The following ANO4 variants were observed in gnomAD, a reference collection of about 807,000 sequenced individuals.
ANO4 encodes the protein anoctamin 4, also known as anoctamin-4.
Under a neutral mutation model 141.9 loss-of-function variants are expected in ANO4, and 69 were observed. That is an observed-to-expected ratio of 0.49 (90% confidence interval 0.40 to 0.59). ANO4 has a LOEUF of 0.59. ANO4 is among the 20% of genes least tolerant of loss of function. The pLI, the probability that ANO4 is intolerant of heterozygous loss-of-function variation, is 0.00. For missense variants in ANO4, 894 were observed against 1,162.2 expected, an observed-to-expected ratio of 0.77 and a Z score of 3.36; for synonymous variants, 350 against 394.3, an observed-to-expected ratio of 0.89 and a Z score of 1.33.
At chr12:100,978,696 G>C (rs2044313774) in intron 7 of ANO4, among the ~76,000 whole-genome samples, 1 of 152,198 alleles carries the variant, frequency 6.6e-6, no homozygotes, top group Non-Finnish European at 1.5e-5. Flanking sequence ...CTGAAATATA[G>C]GCAAAAGGGC....
intron 17 of ANO4, among the ~76,000 whole-genome samples, chr12:101,092,071 C>T (rs979852784): frequency 6.6e-6 from 1 of 151,830 alleles, no homozygotes; most frequent in Non-Finnish European, 1.5e-5. Flanking sequence ...CACTAGTGAC[C>T]GAAAAACATC....
chr12:101,101,395 G>A (rs1319486692), intron 22 of ANO4, among the ~76,000 whole-genome samples: 1 of 152,124 alleles, frequency 6.6e-6, no homozygotes, highest in Non-Finnish European at 1.5e-5. Flanking sequence ...TTCCTAGAAT[G>A]TAGACCAGGA....
chr12:101,023,030 A>G (rs1230563248), intron 9 of ANO4, among the ~76,000 whole-genome samples: 1 of 152,168 alleles, frequency 6.6e-6, no homozygotes, highest in African/African-American at 2.4e-5. Flanking sequence ...CTAGTGTATT[A>G]AGAATCTGCA....
At chr12:100,840,968 T>G (rs1171213696) in intron 1 of ANO4, among the ~76,000 whole-genome samples, 1 of 152,144 alleles carries the variant, frequency 6.6e-6, no homozygotes, top group East Asian at 1.9e-4. Context: ...CAGGATCTTT[T>G]AGGCATGCCT....
intron 8 of ANO4, among the ~76,000 whole-genome samples, chr12:101,016,264 G>A (rs1450878310): frequency 2.0e-5 from 3 of 152,120 alleles, no homozygotes; most frequent in Non-Finnish European, 4.4e-5. Context: ...TGAGGACTTA[G>A]GAAGCTTCCA....
At chr12:100,882,911 G>A (rs1362717857) in intron 1 of ANO4, among the ~76,000 whole-genome samples, 1 of 152,068 alleles carries the variant, frequency 6.6e-6, no homozygotes, top group Non-Finnish European at 1.5e-5. Context: ...ATGTTGGCCA[G>A]GCTGGTCTTG....
At chr12:100,860,049 A>C (rs1414228317) in intron 1 of ANO4, among the ~76,000 whole-genome samples, 1 of 152,158 alleles carries the variant, frequency 6.6e-6, no homozygotes, top group African/African-American at 2.4e-5. Context: ...CTAATTTTTC[A>C]GGCACAAAGA....
rs147522419 is a variant in ANO4 at position 101,041,410 on chromosome 12, C to T, written c.1020-924C>T. On this transcript the variant is annotated intron_variant, in intron 11 of 27. Transcript: ENST00000392977. Reference sequence around the variant, plus strand: ...GTATGATAAACAGTGGGGGGAAAAACAAAAGTAAATTCTCTTCCCAGCCTC... The same window carrying T: ...GTATGATAAACAGTGGGGGGAAAAATAAAAGTAAATTCTCTTCCCAGCCTC... Among the ~76,000 whole-genome samples the T allele has an allele frequency of 3.6e-3, 551 of 152,232 alleles. 3 individuals are homozygous for T. The highest frequency in any genetic ancestry group is 5.8e-3 in the Non-Finnish European group (393 of 68,018).
intron 9 of ANO4, among the ~76,000 whole-genome samples, chr12:101,035,060 GT>G (rs141346690): frequency 0.056 from 8,575 of 152,214 alleles, 397 homozygotes; most frequent in African/African-American, 0.12. Context: ...TGCTAAGAAA[GT>G]TAAAGCATAT....
chr12:101,083,969 G>T, intron 16 of ANO4, 151 bp downstream of exon 16: 1 of 756,126 alleles, frequency 1.3e-6, no homozygotes, highest in South Asian at 2.2e-5. Flanking sequence ...GGTCAGGGAT[G>T]GTATTGCTAT....
At chr12:100,848,264 T>A (rs1451726230) in intron 1 of ANO4, among the ~76,000 whole-genome samples, 2 of 152,142 alleles carry the variant, frequency 1.3e-5, no homozygotes. Context: ...CCAACTTTCT[T>A]CTATACTCAG....
At chr12:100,968,513 C>T (rs1331808580) in intron 5 of ANO4, among the ~76,000 whole-genome samples, 2 of 152,008 alleles carry the variant, frequency 1.3e-5, no homozygotes, top group Non-Finnish European at 2.9e-5. Context: ...TACTCTTTCT[C>T]TCATAGGAAG....
intron 17 of ANO4, among the ~76,000 whole-genome samples, chr12:101,091,852 G>A (rs1345990319): frequency 6.6e-6 from 1 of 151,820 alleles, no homozygotes; most frequent in African/African-American, 2.4e-5. Context: ...TTTTTATATA[G>A]TATTTACTTT....
chr12:100,811,666 A>C (rs1027066842), intron 1 of ANO4, among the ~76,000 whole-genome samples: 6 of 152,210 alleles, frequency 3.9e-5, no homozygotes, highest in Non-Finnish European at 1.5e-5. Context: ...TCTCTTGGCC[A>C]TACCTGACCA....
At chr12:100,958,680 C>T (rs1470334938) in intron 5 of ANO4, among the ~76,000 whole-genome samples, 1 of 151,832 alleles carries the variant, frequency 6.6e-6, no homozygotes, top group Non-Finnish European at 1.5e-5. Context: ...AACCTTGTCT[C>T]TACAAAAAAT....
At chr12:100,867,521 G>A (rs1035220596) in intron 1 of ANO4, among the ~76,000 whole-genome samples, 1 of 152,042 alleles carries the variant, frequency 6.6e-6, no homozygotes, top group Admixed American at 6.6e-5. Context: ...GTGGGTTAAA[G>A]AAGGCCTGTA....
At chr12:100,877,793 C>T (rs1434428951) in intron 1 of ANO4, among the ~76,000 whole-genome samples, 1 of 152,010 alleles carries the variant, frequency 6.6e-6, no homozygotes, top group Non-Finnish European at 1.5e-5. Flanking sequence ...TCTGTTATGG[C>T]TCTTATTTTA....
At chr12:101,047,064 A>G (rs1343271247) in intron 13 of ANO4, among the ~76,000 whole-genome samples, 2 of 152,230 alleles carry the variant, frequency 1.3e-5, no homozygotes, top group Non-Finnish European at 2.9e-5. Flanking sequence ...AGCCTGGCCA[A>G]CATGGTGAAA....
intron 3 of ANO4, among the ~76,000 whole-genome samples, chr12:100,750,749 TAA>T (rs1329219905): frequency 6.6e-6 from 1 of 152,180 alleles, no homozygotes; most frequent in Non-Finnish European, 1.5e-5. Context: ...CTGTGATATA[TAA>T]GTGTCCAAAC....
Sources: allele counts gnomAD v4.1 joint callset (sites outside exome capture counted in the v4.1 genomes callset), GRCh38; gene constraint gnomAD v4.1.1; transcripts MANE v1.5; gene names NCBI Gene and HGNC (gene_info 2026-07-23, HGNC 2026-07-21).